Variants in TANC2 observed in about 807,000 individuals in gnomAD.
TANC2 encodes tetratricopeptide repeat, ankyrin repeat and coiled-coil containing 2.
Under a neutral mutation model 210.5 loss-of-function variants are expected in TANC2, and 26 were observed. The ratio of observed to expected loss-of-function variants is 0.12; its 90% CI spans 0.09 to 0.17. TANC2 has a LOEUF of 0.17. Among genes scored for constraint, TANC2 ranks in the 10% least tolerant of loss-of-function variants. The pLI is 1.00. For missense variants in TANC2, 2,129 were observed against 2,608.9 expected (o/e 0.82, Z 4.01); for synonymous variants, 931 against 967.1 (o/e 0.96, Z 0.69).
At chr17:63,082,425 G>C (rs963266837) in intron 3 of TANC2, among the ~76,000 whole-genome samples, 1 of 152,096 alleles carries the variant, frequency 6.6e-6, no homozygotes, top group Admixed American at 6.5e-5. Flanking sequence ...TTTTTTCCTA[G>C]TGAAAGTTTG....
intron 4 of TANC2, among the ~76,000 whole-genome samples, chr17:63,118,816 G>A (rs977369469): frequency 7.4e-6 from 1 of 135,302 alleles, no homozygotes; most frequent in African/African-American, 2.8e-5. Context: ...GTCTCGCTCT[G>A]TCGCCCAGGC....
intron 2 of TANC2, among the ~76,000 whole-genome samples, chr17:63,069,008 T>A (rs1160458651): frequency 1.3e-5 from 2 of 152,138 alleles, no homozygotes; most frequent in East Asian, 3.8e-4. Context: ...ATTGGAGAAC[T>A]GTATAATGAA....
intron 4 of TANC2, among the ~76,000 whole-genome samples, chr17:63,110,203 C>T (rs553403734): frequency 6.6e-5 from 10 of 151,584 alleles, no homozygotes; most frequent in Non-Finnish European, 1.3e-4. Flanking sequence ...GAAGTTCCTG[C>T]ATGGCTTTAC....
At chr17:63,381,575 C>T (rs547235372) in intron 15 of TANC2, 1 of 152,286 alleles carries the variant, frequency 6.6e-6, no homozygotes, top group South Asian at 2.1e-4. Context: ...GACACACAAT[C>T]CAATGGGTAC....
intron 8 of TANC2, among the ~76,000 whole-genome samples, chr17:63,240,974 G>T (rs1296312141): frequency 6.6e-6 from 1 of 152,196 alleles, no homozygotes; most frequent in African/African-American, 2.4e-5. Context: ...CAACTGAGAA[G>T]ACTCCAGTAG....
intron 2 of TANC2, among the ~76,000 whole-genome samples, chr17:63,059,392 A>T (rs2035916249): frequency 6.6e-6 from 1 of 152,186 alleles, no homozygotes; most frequent in South Asian, 2.1e-4. Context: ...GCAAAGCTGT[A>T]GTTGTGTTCC....
At chr17:63,068,115 T>C (rs2036268222) in intron 2 of TANC2, among the ~76,000 whole-genome samples, 1 of 152,092 alleles carries the variant, frequency 6.6e-6, no homozygotes, top group South Asian at 2.1e-4. Context: ...TGAATGACTG[T>C]AGATTTCTCA....
At chr17:63,250,507 G>A (rs2043029335) in intron 8 of TANC2, among the ~76,000 whole-genome samples, 3 of 152,168 alleles carry the variant, frequency 2.0e-5, no homozygotes, top group East Asian at 1.9e-4. Context: ...CTATAGAGCC[G>A]TCATTGGTGT....
chr17:63,119,527 T>C (rs1249183514), intron 4 of TANC2, among the ~76,000 whole-genome samples: 1 of 152,246 alleles, frequency 6.6e-6, no homozygotes, highest in Non-Finnish European at 1.5e-5. Flanking sequence ...CCGTCATCTA[T>C]AACGGATCAA....
intron 7 of TANC2, among the ~76,000 whole-genome samples, chr17:63,213,222 A>T (rs1486368623): frequency 1.3e-5 from 2 of 152,226 alleles, no homozygotes; most frequent in African/African-American, 4.8e-5. Flanking sequence ...TGGCATATAT[A>T]CCAGGGTTAG....
At chr17:63,391,471 A>T (rs998037432) in intron 17 of TANC2, 5 of 152,200 alleles carry the variant, frequency 3.3e-5, no homozygotes, top group African/African-American at 4.8e-5. Context: ...TTTCATCTAT[A>T]AAAAGGGTGT....
At chr17:63,076,325 G>A (rs992131229) in intron 3 of TANC2, among the ~76,000 whole-genome samples, 4 of 152,138 alleles carry the variant, frequency 2.6e-5, no homozygotes, top group African/African-American at 9.7e-5. Flanking sequence ...TTGGACCTTA[G>A]ATATCTCTCT....
At chr17:63,217,829 A>G (rs1479949587) in intron 7 of TANC2, among the ~76,000 whole-genome samples, 1 of 152,218 alleles carries the variant, frequency 6.6e-6, no homozygotes, top group East Asian at 1.9e-4. Flanking sequence ...AAATTCTAAC[A>G]AACTGAATCT....
intron 1 of TANC2, among the ~76,000 whole-genome samples, chr17:62,980,129 C>T (rs2032227405): frequency 6.6e-6 from 1 of 152,198 alleles, no homozygotes. Context: ...AACCTCTTCT[C>T]TAAACAATAC....
intron 9 of TANC2, among the ~76,000 whole-genome samples, chr17:63,308,887 TA>T (rs1355017337): frequency 2.0e-5 from 3 of 152,120 alleles, no homozygotes; most frequent in Non-Finnish European, 1.5e-5. Context: ...AAAATTTTTT[TA>T]AAAAAATTAT....
intron 5 of TANC2, among the ~76,000 whole-genome samples, chr17:63,174,848 G>A (rs1302224838): frequency 6.6e-6 from 1 of 151,966 alleles, no homozygotes; most frequent in Admixed American, 6.6e-5. Flanking sequence ...AAGAACCATT[G>A]GAAAATTAAA....
intron 1 of TANC2, among the ~76,000 whole-genome samples, chr17:63,003,994 G>A (rs78856358): frequency 0.03 from 4,492 of 152,054 alleles, 82 homozygotes; most frequent in African/African-American, 0.037. Context: ...CATTAACAGT[G>A]TACAACAACT....
intron 11 of TANC2, chr17:63,320,518 T>G (rs1185504574): frequency 3.3e-5 from 5 of 152,212 alleles, no homozygotes; most frequent in African/African-American, 1.2e-4. Flanking sequence ...AGGACATAAA[T>G]TTTTTGATAC....
intron 11 of TANC2, 51 bp downstream of exon 11, chr17:63,319,141 AG>A (rs2045413241): frequency 6.4e-7 from 1 of 1,563,646 alleles, no homozygotes; most frequent in East Asian, 2.3e-5. Context: ...TTTAATATCA[AG>A]GAAGCAAAGA....
Sources: allele counts gnomAD v4.1 joint callset (sites outside exome capture counted in the v4.1 genomes callset), GRCh38; gene constraint gnomAD v4.1.1; transcripts MANE v1.5; gene names NCBI Gene and HGNC (gene_info 2026-07-23, HGNC 2026-07-21).